The following TANC2 variants were observed in gnomAD, a reference collection of about 807,000 sequenced individuals.
TANC2 encodes protein TANC2.
TANC2 carries 26 observed loss-of-function variants against 210.5 expected under a neutral mutation model. The observed-to-expected ratio is 0.12, with a 90% CI of 0.09 to 0.17. The LOEUF is 0.17. TANC2 is among the 10% of genes least tolerant of loss of function. The pLI is 1.00. For missense variants in TANC2, 2,129 were observed against 2,608.9 expected, an observed-to-expected ratio of 0.82 and a Z score of 4.01; for synonymous variants, 931 against 967.1, an observed-to-expected ratio of 0.96 and a Z score of 0.69.
chr17:63,050,686 A>G (rs530184457), intron 2 of TANC2, among the ~76,000 whole-genome samples: 19 of 152,352 alleles, frequency 1.2e-4, no homozygotes, highest in African/African-American at 4.3e-4. Context: ...ACTTCAAGAA[A>G]GAAACATTAA....
chr17:63,395,895 C>T, exon 18 of TANC2: 1 of 1,610,282 alleles, frequency 6.2e-7, no homozygotes, highest in Non-Finnish European at 8.5e-7. Flanking sequence ...TCCAACAGGC[C>T]CTCATTGCTG....
chr17:62,979,599 C>G (rs1444339038), intron 1 of TANC2, among the ~76,000 whole-genome samples: 1 of 152,130 alleles, frequency 6.6e-6, no homozygotes, highest in African/African-American at 2.4e-5. Flanking sequence ...TCTTCTCTTG[C>G]TTTTCTGTAC....
rs200685696 is a variant in TANC2, at chr17:63,019,211, GTTAT to G, written c.67+9603_67+9606del. Among the ~76,000 whole-genome samples, 1,457 of 151,902 alleles carry G rather than the reference GTTAT, an allele frequency of 9.6e-3. 13 individuals are homozygous for G. The highest frequency in any genetic ancestry group is 0.012 in the Non-Finnish European group (847 of 67,904). On this transcript the variant is annotated intron_variant, in intron 2 of 27. Coordinates refer to ENST00000689528, the Ensembl canonical transcript of TANC2. Reference sequence around the variant, plus strand: ...ATTTGGTCTTGTCACTATTTTTAATGTTATTTATTTATTTATTTATTATGGGGAC... The same window carrying G: ...ATTTGGTCTTGTCACTATTTTTAATGTTATTTATTTATTTATTATGGGGAC...
chr17:63,402,372 C>G (rs1169520056), intron 19 of TANC2, among the ~76,000 whole-genome samples: 1 of 152,200 alleles, frequency 6.6e-6, no homozygotes, highest in Non-Finnish European at 1.5e-5. Flanking sequence ...CGTCTGTTTC[C>G]TTACTCAACC....
intron 8 of TANC2, among the ~76,000 whole-genome samples, chr17:63,253,142 G>C (rs1356187393): frequency 6.6e-6 from 1 of 151,984 alleles, no homozygotes; most frequent in East Asian, 1.9e-4. Flanking sequence ...TTGTCTCTTG[G>C]ATAAAAGCCA....
exon 9 of TANC2, chr17:63,267,856 C>T: frequency 6.2e-7 from 1 of 1,612,130 alleles, no homozygotes; most frequent in Non-Finnish European, 8.5e-7. Flanking sequence ...GGTGCTCGCA[C>T]ACAGCAGGAT....
chr17:63,073,876 A>G (rs1446725285), intron 2 of TANC2, 67 bp from the exon 3 acceptor site: 2 of 1,252,960 alleles, frequency 1.6e-6, no homozygotes, highest in Non-Finnish European at 2.2e-6. Context: ...AAATGTAGAT[A>G]ATGTCAGAGA....
chr17:63,171,936 A>G (rs2040418088), intron 5 of TANC2, among the ~76,000 whole-genome samples: 1 of 152,194 alleles, frequency 6.6e-6, no homozygotes. Context: ...TGTAGAAGTA[A>G]AACTTCCATT....
chr17:63,269,013 C>T (rs78277417), intron 9 of TANC2, among the ~76,000 whole-genome samples: 3,637 of 152,208 alleles, frequency 0.024, 62 homozygotes, highest in Non-Finnish European at 0.038. Flanking sequence ...TCCTCTTCAC[C>T]CCTTGTCCTA....
intron 2 of TANC2, among the ~76,000 whole-genome samples, chr17:63,069,321 T>G (rs2036314506): frequency 6.6e-6 from 1 of 152,148 alleles, no homozygotes; most frequent in Non-Finnish European, 1.5e-5. Context: ...TTCTAGAATA[T>G]TTAGCAGCAT....
rs752334846 is a variant in TANC2 at position 63,249,587 on chromosome 17, A to C, written c.1033+11510A>C. On this transcript the variant is annotated intron_variant, in intron 8 of 27. Transcript: ENST00000689528. The stretch of plus-strand genomic sequence containing the variant: ...TAAAATATAAACTCTGGCCATCTAC[A>C]TGTTAATGCTTGGAGCTTCATGTTT... Among the ~76,000 whole-genome samples the C allele has an allele frequency of 7.2e-5, 11 of 152,226 alleles. No individual in the cohort carries two copies. In the South Asian group the frequency reaches 2.3e-3, roughly 31 times the overall value.
chr17:63,016,217 G>T (rs996954058), intron 2 of TANC2, among the ~76,000 whole-genome samples: 10 of 152,018 alleles, frequency 6.6e-5, no homozygotes, highest in Non-Finnish European at 4.4e-5. Context: ...TTTCCAATTA[G>T]AAAAAAATTT....
At chr17:63,186,646 G>A (rs1246162070) in intron 5 of TANC2, among the ~76,000 whole-genome samples, 3 of 151,980 alleles carry the variant, frequency 2.0e-5, no homozygotes, top group African/African-American at 4.8e-5. Flanking sequence ...GTGAGCCACC[G>A]CACCCGGGCT....
chr17:63,210,156 C>G (rs2041840365), intron 7 of TANC2, among the ~76,000 whole-genome samples: 1 of 152,174 alleles, frequency 6.6e-6, no homozygotes, highest in African/African-American at 2.4e-5. Context: ...ATAGGTTGAG[C>G]TCATCCAAAT....
intron 9 of TANC2, among the ~76,000 whole-genome samples, chr17:63,296,103 G>A (rs574067598): frequency 1.3e-5 from 2 of 152,122 alleles, no homozygotes; most frequent in Admixed American, 6.5e-5. Flanking sequence ...CTATCAAATG[G>A]CATCACAGAA....
rs1329537677 is a variant in TANC2, at chr17:63,355,393, A to G, written c.2582+3A>G. 1.9e-6 allele frequency: 3 copies of G among 1,563,698 alleles called. No individual in the cohort carries two copies. Among genetic ancestry groups the G allele is most frequent in the Non-Finnish European group, 2.6e-6 (3 of 1,161,744 alleles). On this transcript the variant is annotated splice_donor_region_variant and intron_variant, in intron 14 of 27. Transcript: ENST00000689528. Reference sequence around the variant, plus strand: ...ACCAAATTTCTCTGTGATCCGAGGTAAGACATATATCTGTGATAAACAATT... The same window carrying G: ...ACCAAATTTCTCTGTGATCCGAGGTGAGACATATATCTGTGATAAACAATT...
At chr17:63,013,095 T>C (rs934976929) in intron 2 of TANC2, among the ~76,000 whole-genome samples, 1 of 151,952 alleles carries the variant, frequency 6.6e-6, no homozygotes, top group Non-Finnish European at 1.5e-5. Context: ...GGGTCTCTCT[T>C]TGTTTTCCGG....
chr17:63,049,886 T>G (rs1336000307), intron 2 of TANC2, among the ~76,000 whole-genome samples: 1 of 152,038 alleles, frequency 6.6e-6, no homozygotes, highest in Non-Finnish European at 1.5e-5. Context: ...ACTGTTGGAT[T>G]GTATGTGCAG....
intron 9 of TANC2, among the ~76,000 whole-genome samples, chr17:63,287,928 C>T (rs775963707): frequency 6.6e-6 from 1 of 152,150 alleles, no homozygotes; most frequent in Non-Finnish European, 1.5e-5. Context: ...CTGCCTGCCT[C>T]GGCTCCCCAA....
Sources: allele counts gnomAD v4.1 joint callset (sites outside exome capture counted in the v4.1 genomes callset), GRCh38; gene constraint gnomAD v4.1.1; transcripts MANE v1.5; gene names NCBI Gene and HGNC (gene_info 2026-07-23, HGNC 2026-07-21).